The following TRERF1 variants were observed in gnomAD, a reference collection of about 807,000 sequenced individuals.
TRERF1 encodes the protein transcriptional regulating factor 1, also known as transcriptional-regulating factor 1.
Under a neutral mutation model 122.9 loss-of-function variants are expected in TRERF1, and 27 were observed. That is an observed-to-expected ratio of 0.22 (90% CI 0.16 to 0.30). TRERF1 has a LOEUF of 0.30. Among genes scored for constraint, TRERF1 ranks in the 10% least tolerant of loss-of-function variants. The pLI is 1.00. For missense variants in TRERF1, 1,248 were observed against 1,560.3 expected (o/e 0.80, Z 3.37); for synonymous variants, 636 against 641.7 (o/e 0.99, Z 0.13).
chr6:42,387,758 C>A (rs111720716), intron 2 of TRERF1, among the ~76,000 whole-genome samples: 2 of 151,188 alleles, frequency 1.3e-5, no homozygotes, highest in African/African-American at 4.9e-5. Context: ...ACATTTCCCA[C>A]AAGAATTTTT....
chr6:42,262,103 C>G (rs761237917), intron 8 of TRERF1, among the ~76,000 whole-genome samples: 1 of 152,100 alleles, frequency 6.6e-6, no homozygotes, highest in Non-Finnish European at 1.5e-5. Flanking sequence ...ACGAACTTCC[C>G]TGGGCAAAGA....
intron 12 of TRERF1, among the ~76,000 whole-genome samples, chr6:42,255,813 T>C (rs1377058930): frequency 4.6e-5 from 7 of 152,196 alleles, no homozygotes; most frequent in Middle Eastern, 3.4e-3. Context: ...AAACAGAGGT[T>C]AGTGATTGAG....
intron 2 of TRERF1, among the ~76,000 whole-genome samples, chr6:42,423,202 T>C (rs1783058659): frequency 1.3e-5 from 2 of 152,160 alleles, no homozygotes; most frequent in African/African-American, 4.8e-5. Flanking sequence ...CTCATCTTGG[T>C]TTCTTCCAGC....
chr6:42,279,450 C>T (rs1379981065), intron 4 of TRERF1, among the ~76,000 whole-genome samples: 3 of 152,092 alleles, frequency 2.0e-5, no homozygotes, highest in South Asian at 2.1e-4. Context: ...GAGGCCCCAG[C>T]GAAAGTGGGA....
intron 4 of TRERF1, among the ~76,000 whole-genome samples, chr6:42,283,611 CTTTTT>C (rs869206003): frequency 9.3e-6 from 1 of 107,994 alleles, no homozygotes; most frequent in African/African-American, 3.6e-5. Flanking sequence ...ATGAAAAAAA[CTTTTT>C]TTTTTTTTTT....
chr6:42,279,579 C>CTA (rs1037799701), intron 4 of TRERF1, among the ~76,000 whole-genome samples: 4 of 152,230 alleles, frequency 2.6e-5, no homozygotes, highest in African/African-American at 9.6e-5. Context: ...GGCTCTGTTG[C>CTA]TATCACTCAA....
intron 4 of TRERF1, among the ~76,000 whole-genome samples, chr6:42,280,429 G>C (rs544077729): frequency 4.5e-4 from 69 of 152,322 alleles, no homozygotes; most frequent in Admixed American, 9.1e-4. Flanking sequence ...AGGGAGGGCA[G>C]GGGGAGCCCT....
chr6:42,253,247 G>C (rs1274173727), intron 13 of TRERF1, among the ~76,000 whole-genome samples: 3 of 152,182 alleles, frequency 2.0e-5, no homozygotes, highest in African/African-American at 7.2e-5. Flanking sequence ...CTGTATCCCA[G>C]ATGACGCTGC....
intron 3 of TRERF1, among the ~76,000 whole-genome samples, chr6:42,326,748 A>G (rs1021417001): frequency 5.9e-5 from 9 of 152,250 alleles, no homozygotes; most frequent in Non-Finnish European, 1.0e-4. Flanking sequence ...GATAGAAAGC[A>G]AAACAATGCT....
intron 5 of TRERF1, among the ~76,000 whole-genome samples, chr6:42,267,018 C>T (rs1779325353): frequency 6.6e-6 from 1 of 152,196 alleles, no homozygotes; most frequent in East Asian, 1.9e-4. Flanking sequence ...CTGCGAGACT[C>T]ACAATGCATA....
At chr6:42,307,144 C>G (rs1787406554) in intron 3 of TRERF1, among the ~76,000 whole-genome samples, 1 of 152,210 alleles carries the variant, frequency 6.6e-6, no homozygotes, top group South Asian at 2.1e-4. Context: ...ATAGTAGGAC[C>G]TTGCTCCCTT....
intron 3 of TRERF1, among the ~76,000 whole-genome samples, chr6:42,349,717 T>C (rs1412187193): frequency 6.6e-6 from 1 of 152,198 alleles, no homozygotes; most frequent in Non-Finnish European, 1.5e-5. Flanking sequence ...AACCCTTCAA[T>C]GGTAAGCCAA....
chr6:42,277,561 T>C (rs73428826), intron 4 of TRERF1, among the ~76,000 whole-genome samples: 12,397 of 152,136 alleles, frequency 0.081, 633 homozygotes, highest in African/African-American at 0.14. Flanking sequence ...TAGAAGAGCA[T>C]TGGAAAAAGC....
chr6:42,238,877 T>A (rs1772951907), intron 15 of TRERF1, among the ~76,000 whole-genome samples: 1 of 137,056 alleles, frequency 7.3e-6, no homozygotes, highest in Non-Finnish European at 1.6e-5. Context: ...ACACAATTTC[T>A]AGTTCTCATA....
At chr6:42,233,458 T>C (rs1055116423) in intron 16 of TRERF1, among the ~76,000 whole-genome samples, 3 of 152,060 alleles carry the variant, frequency 2.0e-5, no homozygotes, top group East Asian at 1.9e-4. Flanking sequence ...GCTAATTTTT[T>C]GTAGTTTTAG....
At chr6:42,411,142 T>C (rs565508522) in intron 2 of TRERF1, among the ~76,000 whole-genome samples, 4 of 152,284 alleles carry the variant, frequency 2.6e-5, no homozygotes, top group African/African-American at 9.6e-5. Flanking sequence ...TATTGAAGGT[T>C]ACTAAGGCTC....
At chr6:42,422,002 T>C (rs1247437546) in intron 2 of TRERF1, among the ~76,000 whole-genome samples, 2 of 149,730 alleles carry the variant, frequency 1.3e-5, no homozygotes, top group African/African-American at 4.9e-5. Flanking sequence ...ACCCTCTCTC[T>C]ACTAAAAATA....
At chr6:42,436,902 A>G (rs1785552291) in intron 2 of TRERF1, among the ~76,000 whole-genome samples, 1 of 149,276 alleles carries the variant, frequency 6.7e-6, no homozygotes, top group African/African-American at 2.5e-5. Flanking sequence ...CTTAACACTA[A>G]CAAAGCTTTC....
intron 4 of TRERF1, among the ~76,000 whole-genome samples, chr6:42,297,627 A>G (rs1785335425): frequency 6.6e-6 from 1 of 152,238 alleles, no homozygotes; most frequent in Non-Finnish European, 1.5e-5. Flanking sequence ...ATGTGTAACC[A>G]TAGCTGGACT....
Sources: allele counts gnomAD v4.1 joint callset (sites outside exome capture counted in the v4.1 genomes callset), GRCh38; gene constraint gnomAD v4.1.1; transcripts MANE v1.5; gene names NCBI Gene and HGNC (gene_info 2026-07-23, HGNC 2026-07-21).